GPC6: variants seen among roughly 807,000 people sequenced by gnomAD.
GPC6 encodes glypican-6.
Under a neutral mutation model 55.2 loss-of-function variants are expected in GPC6, and 14 were observed. That is an observed-to-expected ratio of 0.25 (90% CI 0.17 to 0.40). The LOEUF (loss-of-function observed/expected upper bound fraction) is 0.40. Ranked by LOEUF, GPC6 falls within the 10% of genes least tolerant of loss-of-function variation. The pLI, the probability that GPC6 is intolerant of heterozygous loss-of-function variation, is 1.00. For synonymous variants in GPC6, 278 were observed against 259.6 expected, an observed-to-expected ratio of 1.07 and a Z score of -0.68; for missense variants, 641 against 708.5, an observed-to-expected ratio of 0.90 and a Z score of 1.08.
intron 4 of GPC6, among the ~76,000 whole-genome samples, chr13:94,259,114 T>C (rs1566603475): frequency 6.6e-6 from 1 of 151,718 alleles, no homozygotes; most frequent in Non-Finnish European, 1.5e-5. Flanking sequence ...CAGAAATCCC[T>C]TTCTCACTGG....
chr13:93,549,018 G>A (rs879483533), intron 2 of GPC6, among the ~76,000 whole-genome samples: 17 of 152,000 alleles, frequency 1.1e-4, no homozygotes, highest in Admixed American at 6.6e-5. Context: ...ACACATCCCT[G>A]TAAGCCTCTT....
At chr13:93,741,350 C>T (rs762418506) in intron 2 of GPC6, among the ~76,000 whole-genome samples, 6 of 152,016 alleles carry the variant, frequency 3.9e-5, no homozygotes, top group African/African-American at 1.4e-4. Flanking sequence ...CTCCTGACCT[C>T]GTGATCCACC....
intron 4 of GPC6, among the ~76,000 whole-genome samples, chr13:94,219,608 C>G (rs1464203721): frequency 1.3e-5 from 2 of 152,138 alleles, no homozygotes; most frequent in Non-Finnish European, 2.9e-5. Flanking sequence ...CAAATGGGCT[C>G]ACTGCCCTGA....
At chr13:93,821,413 G>A (rs928727189) in intron 2 of GPC6, among the ~76,000 whole-genome samples, 1 of 152,124 alleles carries the variant, frequency 6.6e-6, no homozygotes, top group Non-Finnish European at 1.5e-5. Context: ...TATAGGAAAG[G>A]TAAGCAGATT....
intron 2 of GPC6, among the ~76,000 whole-genome samples, chr13:93,806,132 A>G (rs1016939062): frequency 1.3e-5 from 2 of 152,196 alleles, no homozygotes; most frequent in African/African-American, 4.8e-5. Context: ...ACACCATGGA[A>G]TGCATGCTTA....
intron 2 of GPC6, among the ~76,000 whole-genome samples, chr13:93,583,235 A>G (rs1010935622): frequency 2.6e-5 from 4 of 152,146 alleles, no homozygotes; most frequent in African/African-American, 9.7e-5. Context: ...GCATGCTACC[A>G]TCTCTCAGCA....
chr13:94,086,649 T>C (rs1885291817), intron 4 of GPC6, among the ~76,000 whole-genome samples: 1 of 152,156 alleles, frequency 6.6e-6, no homozygotes, highest in South Asian at 2.1e-4. Flanking sequence ...TGTGGCTCTG[T>C]TTCCTCAAGT....
At chr13:93,770,651 T>G (rs1228403465) in intron 2 of GPC6, among the ~76,000 whole-genome samples, 7 of 152,144 alleles carry the variant, frequency 4.6e-5, no homozygotes, top group Non-Finnish European at 1.0e-4. Context: ...CTTTCTGGAT[T>G]CTTCTATGGA....
intron 4 of GPC6, among the ~76,000 whole-genome samples, chr13:94,168,965 G>A (rs772027460): frequency 1.7e-4 from 26 of 152,090 alleles, no homozygotes; most frequent in African/African-American, 2.9e-4. Context: ...CTCCGTGGGC[G>A]TGGGGATAGA....
intron 2 of GPC6, among the ~76,000 whole-genome samples, chr13:93,750,174 C>G (rs1884528743): frequency 6.6e-6 from 1 of 152,046 alleles, no homozygotes; most frequent in African/African-American, 2.4e-5. Context: ...TCTGTAAAGA[C>G]AAAGGAGGGC....
In GPC6 at chr13:93,915,315, G is replaced by A. The variant is rs1437748475; in HGVS notation, c.711+84770G>A. Among the ~76,000 whole-genome samples the A allele has an allele frequency of 2.6e-5, 4 of 152,270 alleles. No homozygotes were observed. The East Asian group carries it at 5.8e-4, about 22-fold the overall frequency. On this transcript the variant is annotated intron_variant, in intron 3 of 8. Transcript: ENST00000377047. Reference sequence around the variant, plus strand: ...GAAACTCACCCAGAGCATAAATGATGCTGTAAATGTAGCAAAGTGCCTTTG... The same window carrying A: ...GAAACTCACCCAGAGCATAAATGATACTGTAAATGTAGCAAAGTGCCTTTG...
At position 93,553,586 on chromosome 13, in the gene GPC6, T is replaced by C. The variant is rs181010635; in HGVS notation, c.319+8165T>C. Among the ~76,000 whole-genome samples, 62 of 150,214 alleles carry C rather than the reference T, an allele frequency of 4.1e-4. No individual in the cohort carries two copies. In the East Asian group the frequency reaches 7.2e-3, roughly 18 times the overall value. On this transcript the variant is annotated intron_variant, in intron 2 of 8. Transcript: ENST00000377047. ...GGCATGCGCCTGTAATCCCAGCTAC[T>C]CGGGAGGCTGAGGCAGGAGAATCGC...
chr13:94,182,882 C>A (rs1237314281), intron 4 of GPC6, among the ~76,000 whole-genome samples: 9 of 152,198 alleles, frequency 5.9e-5, no homozygotes, highest in African/African-American at 1.7e-4. Context: ...TTCAAGTGAT[C>A]CTCCCACCTC....
intron 2 of GPC6, among the ~76,000 whole-genome samples, chr13:93,727,905 C>A (rs563016335): frequency 6.6e-6 from 1 of 152,276 alleles, no homozygotes; most frequent in Admixed American, 6.5e-5. Context: ...TCCTTCCTGG[C>A]TGCTTCACAG....
chr13:94,270,154 A>T (rs1039527279), intron 4 of GPC6, among the ~76,000 whole-genome samples: 4 of 152,156 alleles, frequency 2.6e-5, no homozygotes, highest in Non-Finnish European at 4.4e-5. Context: ...TTCTATACCT[A>T]AGTGTATGTT....
At chr13:93,581,318 A>G (rs970618343) in intron 2 of GPC6, among the ~76,000 whole-genome samples, 1 of 152,220 alleles carries the variant, frequency 6.6e-6, no homozygotes, top group African/African-American at 2.4e-5. Context: ...CTTTCAACAG[A>G]TAAGAACACT....
chr13:93,657,505 A>G (rs1285179275), intron 2 of GPC6, among the ~76,000 whole-genome samples: 1 of 152,168 alleles, frequency 6.6e-6, no homozygotes, highest in African/African-American at 2.4e-5. Flanking sequence ...ACCCTAGAAG[A>G]AAACCTAGAA....
intron 1 of GPC6, among the ~76,000 whole-genome samples, chr13:93,255,696 C>G (rs1316175518): frequency 2.0e-5 from 3 of 152,128 alleles, no homozygotes; most frequent in Non-Finnish European, 2.9e-5. Context: ...CTTGGGACCC[C>G]ATTGCTTGCA....
intron 6 of GPC6, among the ~76,000 whole-genome samples, chr13:94,354,755 CTT>C: frequency 6.6e-6 from 1 of 152,376 alleles, no homozygotes; most frequent in East Asian, 1.9e-4. Flanking sequence ...TGAGACTGCT[CTT>C]AAACCAAGCT....
Sources: allele counts gnomAD v4.1 joint callset (sites outside exome capture counted in the v4.1 genomes callset), GRCh38; gene constraint gnomAD v4.1.1; transcripts MANE v1.5; gene names NCBI Gene and HGNC (gene_info 2026-07-23, HGNC 2026-07-21).